Variants in SYNE3 observed in about 807,000 individuals in gnomAD.
SYNE3 encodes nesprin-3.
SYNE3 carries 100 observed loss-of-function variants against 111.2 expected under a neutral mutation model. The ratio of observed to expected loss-of-function variants is 0.90; its 90% CI spans 0.77 to 1.06. The LOEUF (loss-of-function observed/expected upper bound fraction) is 1.06. SYNE3 is among the 50% of genes least tolerant of loss of function. The pLI is 0.00. For missense variants in SYNE3, 1,160 were observed against 1,240.3 expected (o/e 0.94, Z 0.97); for synonymous variants, 547 against 533.9 (o/e 1.02, Z -0.34).
chr14:95,502,193 C>G (rs1890361767), intron 1 of SYNE3, among the ~76,000 whole-genome samples: 1 of 152,142 alleles, frequency 6.6e-6, no homozygotes, highest in Non-Finnish European at 1.5e-5. Flanking sequence ...AAACCAGGGA[C>G]AGTTGGTCAC....
intron 1 of SYNE3, among the ~76,000 whole-genome samples, chr14:95,493,600 C>T (rs1376037173): frequency 6.6e-6 from 1 of 152,246 alleles, no homozygotes; most frequent in Non-Finnish European, 1.5e-5. Context: ...CAGAAAAAAA[C>T]TCTGCCTCCC....
intron 1 of SYNE3, among the ~76,000 whole-genome samples, chr14:95,488,326 C>T (rs147099847): frequency 8.9e-4 from 136 of 152,278 alleles, no homozygotes; most frequent in African/African-American, 3.1e-3. Context: ...TCATCCATGT[C>T]GTTGCCTGTA....
chr14:95,418,586 C>T (rs766415506), intron 17 of SYNE3, among the ~76,000 whole-genome samples: 1 of 151,964 alleles, frequency 6.6e-6, no homozygotes, highest in African/African-American at 2.4e-5. Flanking sequence ...CTTTTTCCTC[C>T]CCCTCTTCCT....
At chr14:95,432,718 G>A (rs1327567865) in intron 16 of SYNE3, among the ~76,000 whole-genome samples, 1 of 151,454 alleles carries the variant, frequency 6.6e-6, no homozygotes, top group African/African-American at 2.4e-5. Flanking sequence ...AAAGGAAGGT[G>A]CTTGCTCAAC....
chr14:95,462,616 G>A (rs1887902959), intron 4 of SYNE3, among the ~76,000 whole-genome samples: 1 of 152,188 alleles, frequency 6.6e-6, no homozygotes, highest in East Asian at 1.9e-4. Flanking sequence ...CTGCCAGGCG[G>A]GCCTTTGCCT....
intron 1 of SYNE3, among the ~76,000 whole-genome samples, chr14:95,477,343 C>T (rs148548930): frequency 6.6e-6 from 1 of 152,300 alleles, no homozygotes; most frequent in East Asian, 1.9e-4. Flanking sequence ...GGGGGAGAGG[C>T]ACAGTAACCT....
intron 8 of SYNE3, 108 bp downstream of exon 8, chr14:95,449,823 G>A (rs1886950563): frequency 6.8e-7 from 1 of 1,462,312 alleles, no homozygotes; most frequent in Non-Finnish European, 9.1e-7. Flanking sequence ...GCTCTCCCCA[G>A]ATATCCGGAG....
chr14:95,514,954 AC>A (rs1287351275), intron 1 of SYNE3, among the ~76,000 whole-genome samples: 1 of 152,180 alleles, frequency 6.6e-6, no homozygotes, highest in Non-Finnish European at 1.5e-5. Flanking sequence ...CATGCAAAGC[AC>A]CCGAGCAGGA....
At chr14:95,466,270 G>A in intron 3 of SYNE3, 30 bp from the exon 4 acceptor site, 1 of 1,532,172 alleles carries the variant, frequency 6.5e-7, no homozygotes, top group South Asian at 1.2e-5. Context: ...AAGGTTGTGA[G>A]GGAACCAGCC....
intron 8 of SYNE3, among the ~76,000 whole-genome samples, chr14:95,447,295 G>A (rs1417487082): frequency 2.6e-5 from 4 of 151,930 alleles, no homozygotes; most frequent in Non-Finnish European, 5.9e-5. Flanking sequence ...CACCACACCC[G>A]GCTAATTTTT....
intron 1 of SYNE3, among the ~76,000 whole-genome samples, chr14:95,481,018 G>C (rs1241682010): frequency 6.6e-6 from 1 of 152,086 alleles, no homozygotes; most frequent in Non-Finnish European, 1.5e-5. Context: ...GCACAGCAGC[G>C]GCATCTACCT....
At chr14:95,487,018 A>G (rs1889584313) in intron 1 of SYNE3, among the ~76,000 whole-genome samples, 2 of 152,126 alleles carry the variant, frequency 1.3e-5, no homozygotes, top group Admixed American at 1.3e-4. Context: ...CCAGAATATT[A>G]GAGTCTGGGT....
In SYNE3 at chr14:95,407,792, C is replaced by T. The variant is rs1812493007; in HGVS notation, c.*10034G>A. 6.6e-6 allele frequency: 1 copy of T among 152,096 alleles called. No individual in the cohort carries two copies. Among genetic ancestry groups the T allele is most frequent in the African/African-American group, 2.4e-5 (1 of 41,372 alleles). 9.4% of individuals were successfully genotyped at this position (152,096 alleles called of 1,614,324 possible). A position where few individuals can be genotyped will look rare whatever the true frequency, so the allele number is the denominator to read the frequency against. On this transcript the variant is annotated 3_prime_UTR_variant, in exon 18 of 18. Transcript: ENST00000682763. The stretch of plus-strand genomic sequence containing the variant: ...ACACACACAGACACACACACACACA[C>T]ACACACACCCCATGCCATTGCTTGG...
intron 11 of SYNE3, 27 bp from the exon 12 acceptor site, chr14:95,440,102 G>T (rs887788646): frequency 9.5e-6 from 15 of 1,574,472 alleles, no homozygotes; most frequent in East Asian, 4.5e-5. Context: ...GGAGCCCAGG[G>T]CATCCTGAGT....
rs977590555 is a variant in SYNE3, at chr14:95,417,721, G to A, written c.*105C>T. The A allele has an allele frequency of 4.9e-6, 6 of 1,223,382 alleles. No homozygotes were observed. The African/African-American group carries it at 8.9e-5, about 18-fold the overall frequency. The allele number at this position is 1,223,382 out of a possible 1,614,324, so 75.8% of individuals were successfully genotyped here. A position where few individuals can be genotyped will look rare whatever the true frequency, so the allele number is the denominator to read the frequency against. On this transcript the variant is annotated 3_prime_UTR_variant, in exon 18 of 18. Coordinates refer to ENST00000682763, the MANE Select transcript of SYNE3 (RefSeq NM_152592.6). The stretch of plus-strand genomic sequence containing the variant: ...GCACTGATATGGATGCAGCTCTGCA[G>A]TCTTTGCCCTGCCCCTGTTTCCAGT...
intron 1 of SYNE3, among the ~76,000 whole-genome samples, chr14:95,479,846 C>A (rs766911271): frequency 2.0e-5 from 3 of 152,080 alleles, no homozygotes; most frequent in African/African-American, 7.2e-5. Flanking sequence ...TTGGAAGGGG[C>A]GGGTAGGAGA....
At chr14:95,456,635 G>C (rs1328442329) in intron 5 of SYNE3, among the ~76,000 whole-genome samples, 1 of 152,162 alleles carries the variant, frequency 6.6e-6, no homozygotes, top group Non-Finnish European at 1.5e-5. Context: ...ATGCTTCTGT[G>C]GTCCTGGGTT....
intron 1 of SYNE3, among the ~76,000 whole-genome samples, chr14:95,507,312 C>G (rs1228750525): frequency 3.3e-5 from 5 of 152,188 alleles, no homozygotes; most frequent in Admixed American, 1.3e-4. Flanking sequence ...AATGTCAGTA[C>G]GTTGAAGAAA....
At chr14:95,487,964 G>T (rs535506230) in intron 1 of SYNE3, among the ~76,000 whole-genome samples, 1 of 151,912 alleles carries the variant, frequency 6.6e-6, no homozygotes, top group East Asian at 1.9e-4. Flanking sequence ...GGACGATAAG[G>T]ATGAAGAACT....
Sources: gnomAD v4.1 joint callset for allele counts (sites outside exome capture counted in the v4.1 genomes callset) on GRCh38, gnomAD v4.1.1 for gene constraint, MANE v1.5 for transcripts, NCBI Gene and HGNC (gene_info 2026-07-23, HGNC 2026-07-21) for gene names.